PCDH15: variants seen among roughly 807,000 people sequenced by gnomAD.
PCDH15 encodes the protein protocadherin-15.
A neutral mutation model predicts 178.5 loss-of-function variants in PCDH15; 129 were observed. That is an observed-to-expected ratio of 0.72 (90% CI 0.63 to 0.84). The LOEUF (loss-of-function observed/expected upper bound fraction) is 0.84. Among genes scored for constraint, PCDH15 ranks in the 40% least tolerant of loss-of-function variants. The pLI is 0.00. For missense variants in PCDH15, 2,230 were observed against 2,099.9 expected, an observed-to-expected ratio of 1.06 and a Z score of -1.21; for synonymous variants, 800 against 732.0, an observed-to-expected ratio of 1.09 and a Z score of -1.50.
At chr10:53,819,321 A>G (rs532633020) in intron 33 of PCDH15, among the ~76,000 whole-genome samples, 3 of 152,154 alleles carry the variant, frequency 2.0e-5, no homozygotes, top group East Asian at 1.9e-4. Flanking sequence ...TAAAATATCA[A>G]TAGATAAACT....
intron 2 of PCDH15, among the ~76,000 whole-genome samples, chr10:55,031,645 A>C (rs1234494835): frequency 6.6e-6 from 1 of 152,132 alleles, no homozygotes; most frequent in Non-Finnish European, 1.5e-5. Context: ...TTAGAAGGTG[A>C]GGTTTTTTAG....
intron 23 of PCDH15, among the ~76,000 whole-genome samples, chr10:53,943,281 G>A (rs1000098018): frequency 6.6e-6 from 1 of 151,888 alleles, no homozygotes; most frequent in Non-Finnish European, 1.5e-5. Flanking sequence ...CTGAGGTCAG[G>A]AGTTCAAGAC....
At chr10:54,516,887 G>A (rs2082283915) in intron 3 of PCDH15, among the ~76,000 whole-genome samples, 2 of 152,208 alleles carry the variant, frequency 1.3e-5, no homozygotes, top group Non-Finnish European at 2.9e-5. Flanking sequence ...CAAGCCAGAA[G>A]AGAGTGGGGG....
At chr10:54,364,347 A>G (rs536283212) in intron 5 of PCDH15, among the ~76,000 whole-genome samples, 1 of 152,008 alleles carries the variant, frequency 6.6e-6, no homozygotes, top group Non-Finnish European at 1.5e-5. Context: ...ATTTAATGCC[A>G]TTTTCCAACT....
intron 18 of PCDH15, among the ~76,000 whole-genome samples, chr10:54,064,143 T>C (rs2094089557): frequency 6.6e-6 from 1 of 152,170 alleles, no homozygotes; most frequent in Non-Finnish European, 1.5e-5. Flanking sequence ...GTGTAGCTCC[T>C]ATCCATAGGC....
chr10:54,011,947 G>A (rs1191712163), intron 20 of PCDH15, among the ~76,000 whole-genome samples: 1 of 152,140 alleles, frequency 6.6e-6, no homozygotes, highest in Non-Finnish European at 1.5e-5. Context: ...TGAAATAGTT[G>A]AAATGAAAGA....
At chr10:54,423,880 C>A (rs1207602367) in intron 3 of PCDH15, among the ~76,000 whole-genome samples, 1 of 151,850 alleles carries the variant, frequency 6.6e-6, no homozygotes, top group Non-Finnish European at 1.5e-5. Context: ...GGATTAAAGA[C>A]TTAAATGTTA....
At chr10:54,534,311 G>C (rs1161179383) in intron 2 of PCDH15, among the ~76,000 whole-genome samples, 4 of 152,054 alleles carry the variant, frequency 2.6e-5, no homozygotes, top group Non-Finnish European at 5.9e-5. Context: ...AAGAATAAAA[G>C]TAATTACATG....
chr10:53,999,287 G>A lies in PCDH15; in HGVS notation c.2752-3522C>T, dbSNP rs1454086667. ...CCTACTTTTACGTGGGTGTATGGTTGATTGTTTGCCTCTTACCAGTTCTGT... is the reference window on the plus strand; with the variant it reads ...CCTACTTTTACGTGGGTGTATGGTTAATTGTTTGCCTCTTACCAGTTCTGT... On this transcript the variant is annotated intron_variant, in intron 20 of 37. Transcript: ENST00000644397. Among the ~76,000 whole-genome samples, 10 of 152,226 alleles carry A rather than the reference G, an allele frequency of 6.6e-5. No homozygotes were observed. In the East Asian group the frequency reaches 1.9e-3, roughly 30 times the overall value.
chr10:55,626,359 T>C (rs1298854123), intron 2 of PCDH15, among the ~76,000 whole-genome samples: 1 of 152,132 alleles, frequency 6.6e-6, no homozygotes, highest in East Asian at 1.9e-4. Flanking sequence ...ACAGCACGCA[T>C]GTGTGAAAAA....
chr10:55,482,512 G>A (rs1297072227), intron 2 of PCDH15, among the ~76,000 whole-genome samples: 1 of 151,744 alleles, frequency 6.6e-6, no homozygotes, highest in Non-Finnish European at 1.5e-5. Context: ...GGCAGGTCTG[G>A]TGGTAACAAA....
At chr10:54,957,787 T>C (rs1409991826) in intron 2 of PCDH15, among the ~76,000 whole-genome samples, 4 of 151,730 alleles carry the variant, frequency 2.6e-5, no homozygotes, top group African/African-American at 4.8e-5. Flanking sequence ...ATAATTGATA[T>C]AGGAGATCAG....
chr10:54,967,992 A>C (rs914426059), intron 2 of PCDH15, among the ~76,000 whole-genome samples: 1 of 152,154 alleles, frequency 6.6e-6, no homozygotes, highest in Non-Finnish European at 1.5e-5. Flanking sequence ...TTGTCTCCAA[A>C]TACAGTCAGA....
chr10:54,345,130 T>G (rs1943030558), intron 6 of PCDH15, among the ~76,000 whole-genome samples: 1 of 151,838 alleles, frequency 6.6e-6, no homozygotes, highest in African/African-American at 2.4e-5. Flanking sequence ...TCACTTCACT[T>G]ACGAGTTTTC....
At chr10:54,531,313 A>G (rs576866944) in intron 2 of PCDH15, among the ~76,000 whole-genome samples, 2 of 152,342 alleles carry the variant, frequency 1.3e-5, no homozygotes, top group Admixed American at 1.3e-4. Flanking sequence ...TATGAATACC[A>G]ATAACTGAAT....
intron 5 of PCDH15, among the ~76,000 whole-genome samples, chr10:54,354,724 C>T (rs1478075718): frequency 6.6e-6 from 1 of 151,352 alleles, no homozygotes; most frequent in African/African-American, 2.4e-5. Flanking sequence ...AAATTGTAAA[C>T]AAAACACACA....
At chr10:53,827,598 G>A (rs1208980981) in intron 31 of PCDH15, 50 bp from the exon 32 acceptor site, 11 of 1,608,172 alleles carry the variant, frequency 6.8e-6, no homozygotes, top group Admixed American at 1.7e-5. Flanking sequence ...AAATCATAAT[G>A]CTTATCAATA....
intron 3 of PCDH15, among the ~76,000 whole-genome samples, chr10:54,866,342 T>G (rs1953942185): frequency 6.6e-6 from 1 of 152,126 alleles, no homozygotes; most frequent in Admixed American, 6.6e-5. Context: ...ATATGGCCCA[T>G]TTTTGGAGAA....
chr10:54,871,773 T>G (rs1954045628), intron 3 of PCDH15, among the ~76,000 whole-genome samples: 1 of 152,086 alleles, frequency 6.6e-6, no homozygotes, highest in Non-Finnish European at 1.5e-5. Context: ...CTTAGAAAGA[T>G]TAAACAGTTA....
Sources: gnomAD v4.1 joint callset for allele counts (sites outside exome capture counted in the v4.1 genomes callset) on GRCh38, gnomAD v4.1.1 for gene constraint, MANE v1.5 for transcripts, NCBI Gene and HGNC (gene_info 2026-07-23, HGNC 2026-07-21) for gene names.